Variants in GPSM2 observed in about 807,000 individuals in gnomAD.
GPSM2 encodes G protein-signaling modulator 2.
A neutral mutation model predicts 78.4 loss-of-function variants in GPSM2; 58 were observed. The ratio of observed to expected loss-of-function variants is 0.74; its 90% CI spans 0.60 to 0.92. The LOEUF is 0.92. Ranked by LOEUF, GPSM2 falls within the 40% of genes least tolerant of loss-of-function variation. GPSM2 has a pLI of 0.00. For synonymous variants in GPSM2, 224 were observed against 280.2 expected, an observed-to-expected ratio of 0.80 and a Z score of 2.00; for missense variants, 700 against 815.5, an observed-to-expected ratio of 0.86 and a Z score of 1.73.
chr1:108,924,058 C>T lies in GPSM2; in HGVS notation c.1659C>T (p.Ser553=). 6.2e-7 allele frequency: 1 copy of T among 1,613,540 alleles called. No homozygotes were observed. The highest frequency in any genetic ancestry group is 8.5e-7 in the Non-Finnish European group (1 of 1,179,518). ...ATGAGTTTTTAGATCTTCTTGCCAGCTCACAGAGTCGCCGTCTGGATGACC... is the reference window on the plus strand; with the variant it reads ...ATGAGTTTTTAGATCTTCTTGCCAGTTCACAGAGTCGCCGTCTGGATGACC... ...NTDEFLDLLA[S]SQSRRLDDQR... Residue 553 remains serine, a synonymous_variant, in exon 14 of 15, where the codon AGC becomes AGT. Coordinates refer to ENST00000264126, the MANE Select transcript of GPSM2 (RefSeq NM_013296.5).
Position 108,930,031 on chromosome 1 carries a change from T to C in GPSM2, c.*91T>C. On this transcript the variant is annotated 3_prime_UTR_variant, in exon 15 of 15. Transcript: ENST00000264126. ...AAAAGGAGAATTTATAGCACTGTAA[T>C]ACAGCTTAAAATATTTTTAGAATGA... 9.0e-7 allele frequency: 1 copy of C among 1,109,014 alleles called. No individual in the cohort carries two copies. The highest frequency in any genetic ancestry group is 1.3e-6 in the Non-Finnish European group (1 of 749,906). The allele number at this position is 1,109,014 out of a possible 1,614,324, so 68.7% of individuals were successfully genotyped here.
intron 2 of GPSM2, among the ~76,000 whole-genome samples, chr1:108,895,006 A>G (rs1648248895): frequency 6.6e-6 from 1 of 152,174 alleles, no homozygotes. Flanking sequence ...TTGATCTACC[A>G]CTAGATATAC....
At chr1:108,917,593 T>TAC (rs2101521193) in intron 11 of GPSM2, among the ~76,000 whole-genome samples, 1 of 53,858 alleles carries the variant, frequency 1.9e-5, no homozygotes, top group South Asian at 6.6e-4. Context: ...GCAACAAATG[T>TAC]ATACACACAC....
In GPSM2 at chr1:108,931,066, C is replaced by A; in HGVS notation, c.*1126C>A. 3.7e-6 allele frequency: 1 copy of A among 266,822 alleles called. No homozygotes were observed. Among genetic ancestry groups the A allele is most frequent in the Non-Finnish European group, 7.2e-6 (1 of 139,246 alleles). The allele number at this position is 266,822 out of a possible 1,614,324, so 16.5% of individuals were successfully genotyped here. A position where few individuals can be genotyped will look rare whatever the true frequency, so the allele number is the denominator to read the frequency against. Reference sequence around the variant, plus strand: ...GACCCTGTCTCTAGAAAACAAGTATCTTTTGTGTGTTTTGGGCTGTTTAAA... The same window carrying A: ...GACCCTGTCTCTAGAAAACAAGTATATTTTGTGTGTTTTGGGCTGTTTAAA... On this transcript the variant is annotated 3_prime_UTR_variant, in exon 15 of 15. Transcript: ENST00000264126.
intron 11 of GPSM2, among the ~76,000 whole-genome samples, chr1:108,915,472 G>A (rs1428361952): frequency 6.7e-6 from 1 of 149,886 alleles, no homozygotes; most frequent in Non-Finnish European, 1.5e-5. Flanking sequence ...CTTTGGCCAG[G>A]CTGGAGTGCA....
chr1:108,923,863 G>A (rs1053489433), intron 13 of GPSM2, 137 bp from the exon 14 acceptor site: 14 of 695,508 alleles, frequency 2.0e-5, no homozygotes, highest in Middle Eastern at 3.5e-4. Flanking sequence ...CAGTGTCAGC[G>A]CTATAGCAGG....
At chr1:108,893,059 C>G (rs1300128514) in intron 2 of GPSM2, among the ~76,000 whole-genome samples, 1 of 152,114 alleles carries the variant, frequency 6.6e-6, no homozygotes, top group Non-Finnish European at 1.5e-5. Flanking sequence ...TGTAAAATGC[C>G]TTTTTAAAAA....
At position 108,929,876 on chromosome 1, in the gene GPSM2, A is replaced by T; in HGVS notation, c.1991A>T (p.Asp664Val). The T allele has an allele frequency of 6.2e-7, 1 of 1,613,816 alleles. No individual in the cohort carries two copies. The highest frequency in any genetic ancestry group is 8.5e-7 in the Non-Finnish European group (1 of 1,179,696). The part of the protein sequence containing the change: ...QNRDTDFGLK[D>V]FLQNNALLEF... ...AGAGACACTGACTTTGGGCTAAAGGACTTTTTGCAAAATAATGCTTTGTTG... is the reference window on the plus strand; with the variant it reads ...AGAGACACTGACTTTGGGCTAAAGGTCTTTTTGCAAAATAATGCTTTGTTG... Residue 664 changes from aspartate to valine, a missense_variant, in exon 15 of 15, where the codon GAC (aspartate) becomes GTC (valine). By Grantham distance (152) the Asp-to-Val change is radical. Coordinates refer to ENST00000264126, the MANE Select transcript of GPSM2 (RefSeq NM_013296.5).
At chr1:108,885,149 C>T (rs572022383) in intron 1 of GPSM2, 126 bp from the exon 2 acceptor site, 1 of 171,410 alleles carries the variant, frequency 5.8e-6, no homozygotes, top group East Asian at 1.6e-4. Flanking sequence ...CCTGTGCTAT[C>T]TTCTGTATTG....
chr1:108,898,021 T>G lies in GPSM2; in HGVS notation c.477T>G (p.Phe159Leu). ...TGTATCATGCCAAAGGGAAAAGTTT[T>G]GGTTGCCCTGGTCCCCAGGATGTAG... ...GNVYHAKGKS[F>L]GCPGPQDVGE... The change falls in exon 5 of 15, where the codon TTT becomes TTG. Residue 159 changes from phenylalanine (F) to leucine (L), a missense_variant. Coordinates refer to ENST00000264126, the MANE Select transcript of GPSM2 (RefSeq NM_013296.5). 6.2e-7 allele frequency: 1 copy of G among 1,613,862 alleles called. No individual in the cohort carries two copies. The highest frequency in any genetic ancestry group is 8.5e-7 in the Non-Finnish European group (1 of 1,179,734).
At chr1:108,879,506 G>A (rs1351640652) in intron 1 of GPSM2, among the ~76,000 whole-genome samples, 3 of 152,114 alleles carry the variant, frequency 2.0e-5, no homozygotes, top group Non-Finnish European at 4.4e-5. Context: ...TTCCTTTGTG[G>A]GGAAAAAATA....
At chr1:108,907,268 A>G (rs1004456529) in intron 10 of GPSM2, among the ~76,000 whole-genome samples, 23 of 152,324 alleles carry the variant, frequency 1.5e-4, no homozygotes, top group Middle Eastern at 3.4e-3. Flanking sequence ...ATCTTAATTC[A>G]TGAATTCATA....
At chr1:108,911,799 AT>A (rs71069618) in intron 10 of GPSM2, among the ~76,000 whole-genome samples, 28 of 108,708 alleles carry the variant, frequency 2.6e-4, no homozygotes, top group Non-Finnish European at 2.8e-4. Context: ...TGGGAAGACA[AT>A]TTTTTTTTTT....
At chr1:108,908,614 G>T (rs1310110365) in intron 10 of GPSM2, among the ~76,000 whole-genome samples, 1 of 151,322 alleles carries the variant, frequency 6.6e-6, no homozygotes, top group African/African-American at 2.4e-5. Flanking sequence ...GGCGGAGCTT[G>T]CAGTGAGCCG....
Position 108,918,782 on chromosome 1 carries a change from C to T in GPSM2, c.1433C>T (p.Ser478Phe), listed in dbSNP as rs377461910. The change falls in exon 12 of 15, where the codon TCT becomes TTT. Residue 478 changes from serine (S) to phenylalanine (F), a missense_variant. Transcript: ENST00000264126. ...SNSIDHRIPN[S>F]QRKISADTIG... ...TCTATTGACCACCGAATTCCAAATT[C>T]TCAGAGGGTACGTTTAAACTAAGTT... 3 of 1,610,362 alleles carry T rather than the reference C, an allele frequency of 1.9e-6. No individual in the cohort carries two copies. The African/African-American group carries it at 4.0e-5, about 22-fold the overall frequency.
At chr1:108,902,909 G>T (rs1452459698) in intron 8 of GPSM2, among the ~76,000 whole-genome samples, 1 of 152,058 alleles carries the variant, frequency 6.6e-6, no homozygotes, top group African/African-American at 2.4e-5. Flanking sequence ...TTTCTATGTT[G>T]TAATACTTGA....
chr1:108,884,617 A>T (rs1265672250), intron 1 of GPSM2, among the ~76,000 whole-genome samples: 1 of 152,238 alleles, frequency 6.6e-6, no homozygotes, highest in Admixed American at 6.5e-5. Flanking sequence ...AAATCACCTT[A>T]GAGGGAAAAG....
At chr1:108,917,611 C>CACATATATATATAT (rs1312607573) in intron 11 of GPSM2, among the ~76,000 whole-genome samples, 11 of 22,696 alleles carry the variant, frequency 4.8e-4, no homozygotes, top group African/African-American at 7.1e-4. Flanking sequence ...CACACACACA[C>CACATATATATATAT]ATATATATAT....
chr1:108,894,772 T>C (rs995362173), intron 2 of GPSM2, among the ~76,000 whole-genome samples: 2 of 152,072 alleles, frequency 1.3e-5, no homozygotes, highest in Non-Finnish European at 2.9e-5. Flanking sequence ...AAAAGATACC[T>C]AGATAGAAAA....
Sources: allele counts gnomAD v4.1 joint callset (sites outside exome capture counted in the v4.1 genomes callset), GRCh38; gene constraint gnomAD v4.1.1; transcripts MANE v1.5; gene names NCBI Gene and HGNC (gene_info 2026-07-23, HGNC 2026-07-21).